Variants in NWD1 observed in about 807,000 individuals in gnomAD.
NWD1 encodes the protein NACHT domain- and WD repeat-containing protein 1.
NWD1 carries 129 observed loss-of-function variants against 135.1 expected under a neutral mutation model. The observed-to-expected ratio is 0.96, with a 90% confidence interval of 0.83 to 1.11. The LOEUF (loss-of-function observed/expected upper bound fraction) is 1.11, where lower values mean the gene tolerates loss of function less well. Among genes scored for constraint, NWD1 ranks in the 50% least tolerant of loss-of-function variants. The probability of loss-of-function intolerance (pLI) is 0.00; values close to 1 mark genes in which losing one functional copy is unlikely to be tolerated. For missense variants in NWD1, 1,740 were observed against 1,851.3 expected (o/e 0.94, Z 1.10); for synonymous variants, 773 against 786.0 (o/e 0.98, Z 0.28).
chr19:16,761,513 C>T (rs769551282), intron 7 of NWD1, among the ~76,000 whole-genome samples: 32 of 151,950 alleles, frequency 2.1e-4, no homozygotes, highest in Non-Finnish European at 2.6e-4. Context: ...CACACCACCA[C>T]GCCCAGCTAA....
chr19:16,800,287 A>T (rs1168522193), intron 17 of NWD1, 125 bp downstream of exon 17: 1 of 978,022 alleles, frequency 1.0e-6, no homozygotes, highest in Admixed American at 2.4e-5. Context: ...TAATCCCAGG[A>T]CTTTGGGAGG....
chr19:16,736,845 G>C (rs373829175), intron 4 of NWD1, 95 bp downstream of exon 4: 7 of 779,846 alleles, frequency 9.0e-6, no homozygotes, highest in Non-Finnish European at 1.5e-5. Flanking sequence ...AGTAGGTACC[G>C]TTTCTGCTTT....
At chr19:16,768,512 G>A (rs1465081848) in intron 10 of NWD1, among the ~76,000 whole-genome samples, 1 of 152,104 alleles carries the variant, frequency 6.6e-6, no homozygotes, top group East Asian at 1.9e-4. Context: ...TTCCACAAAA[G>A]CTACACCATT....
chr19:16,776,987 G>A (rs1184115501), intron 11 of NWD1, among the ~76,000 whole-genome samples: 1 of 122,396 alleles, frequency 8.2e-6, no homozygotes, highest in African/African-American at 3.1e-5. Context: ...AGTGGGGAGG[G>A]GAAGGGAGGG....
chr19:16,782,042 C>T (rs915838567), intron 12 of NWD1, among the ~76,000 whole-genome samples: 8 of 146,358 alleles, frequency 5.5e-5, no homozygotes, highest in African/African-American at 2.0e-4. Context: ...TGCAGTGAGC[C>T]GAGATTGCAC....
At chr19:16,786,988 ATCTC>A (rs1970061487) in intron 12 of NWD1, among the ~76,000 whole-genome samples, 3 of 152,092 alleles carry the variant, frequency 2.0e-5, no homozygotes, top group Admixed American at 1.3e-4. Context: ...TTTCCTCCAC[ATCTC>A]TCATGATGTG....
chr19:16,792,849 C>CCTGGGTG (rs1970293042), intron 14 of NWD1, among the ~76,000 whole-genome samples: 1 of 148,532 alleles, frequency 6.7e-6, no homozygotes, highest in African/African-American at 2.5e-5. Context: ...TGCACTCCAG[C>CCTGGGTG]CTGGGTGACA....
At chr19:16,787,901 AATAATC>A (rs749083783) in intron 12 of NWD1, among the ~76,000 whole-genome samples, 1,679 of 84,132 alleles carry the variant, frequency 0.02, 10 homozygotes, top group East Asian at 0.058. Flanking sequence ...TAATAATAAT[AATAATC>A]ATCATCATCA....
chr19:16,737,564 A>C (rs776233272), intron 4 of NWD1, among the ~76,000 whole-genome samples: 5 of 147,834 alleles, frequency 3.4e-5, no homozygotes, highest in Non-Finnish European at 7.4e-5. Flanking sequence ...GTCTAGTTTT[A>C]AGTTTTTTTT....
At chr19:16,795,773 G>A (rs1225840597) in intron 15 of NWD1, among the ~76,000 whole-genome samples, 1 of 152,110 alleles carries the variant, frequency 6.6e-6, no homozygotes, top group African/African-American at 2.4e-5. Context: ...CATGTTAGCA[G>A]TTCAGTCAGC....
At chr19:16,773,548 C>T (rs1339419263) in intron 11 of NWD1, among the ~76,000 whole-genome samples, 2 of 152,144 alleles carry the variant, frequency 1.3e-5, no homozygotes, top group African/African-American at 4.8e-5. Flanking sequence ...GAGCCCGATG[C>T]TAGGGGGTGC....
intron 11 of NWD1, among the ~76,000 whole-genome samples, chr19:16,774,713 C>T (rs1179613576): frequency 6.6e-6 from 1 of 152,050 alleles, no homozygotes; most frequent in African/African-American, 2.4e-5. Flanking sequence ...TCCACTCACC[C>T]ATCCATTCAT....
At chr19:16,757,098 G>A (rs1244485817) in intron 6 of NWD1, among the ~76,000 whole-genome samples, 3 of 152,064 alleles carry the variant, frequency 2.0e-5, no homozygotes, top group African/African-American at 7.2e-5. Flanking sequence ...ATATTGCAAT[G>A]TAATAATAAT....
chr19:16,728,900 T>C (rs1002474299), intron 2 of NWD1, among the ~76,000 whole-genome samples: 30 of 138,900 alleles, frequency 2.2e-4, no homozygotes, highest in South Asian at 9.0e-4. Flanking sequence ...GCCGAGATCA[T>C]GCCACTGCAC....
At position 16,797,821 on chromosome 19, in the gene NWD1, G is replaced by C; in HGVS notation, c.3394G>C (p.Glu1132Gln). The C allele has an allele frequency of 6.2e-7, 1 of 1,614,108 alleles. No homozygotes were observed. Among genetic ancestry groups the C allele is most frequent in the Non-Finnish European group, 8.5e-7 (1 of 1,179,952 alleles). ...GGATCTGGAACATGAAGACATGGTG[G>C]AGACGGCTGTTTTTGGTACTGAGAA... ...AMDLEHEDMV[E>Q]TAVFGTENNL... The change falls in exon 16 of 19, where the codon GAG becomes CAG. Residue 1132 changes from glutamate to glutamine, a missense_variant. Coordinates refer to ENST00000524140, the MANE Select transcript of NWD1 (RefSeq NM_001007525.5).
chr19:16,762,555 A>AAAAC (rs111538296), intron 8 of NWD1, among the ~76,000 whole-genome samples: 13,518 of 151,424 alleles, frequency 0.089, 1,011 homozygotes, highest in African/African-American at 0.21. Flanking sequence ...CTCTGTCTCA[A>AAAAC]AAACAAACAA....
rs1369036825 is a variant in NWD1 at position 16,759,358 on chromosome 19, C to T, written c.1903C>T (p.Arg635Cys). 1.2e-5 allele frequency: 19 copies of T among 1,612,596 alleles called. No homozygotes were observed. Among genetic ancestry groups the T allele is most frequent in the Non-Finnish European group, 1.5e-5 (18 of 1,179,506 alleles). The change falls in exon 7 of 19, where the codon CGT becomes TGT. Residue 635 changes from arginine to cysteine, a missense_variant. Coordinates refer to ENST00000524140, the MANE Select transcript of NWD1 (RefSeq NM_001007525.5). ...RFPPLLWVRL[R>C]RDLGYYLARR... is the part of the protein sequence containing the mutation. ...CCCGCCCCTGCTGTGGGTGCGGCTT[C>T]GTCGGGATCTGGGATACTACTTGGC...
intron 1 of NWD1, among the ~76,000 whole-genome samples, chr19:16,723,297 C>T (rs934702183): frequency 2.0e-5 from 3 of 152,194 alleles, no homozygotes; most frequent in Non-Finnish European, 2.9e-5. Context: ...CTCCCAGGCT[C>T]AAGTGGTCCT....
chr19:16,815,717 A>G lies in NWD1; in HGVS notation c.*678A>G, dbSNP rs1023075062. 5 of 174,504 alleles carry G rather than the reference A, an allele frequency of 2.9e-5. No homozygotes were observed. Among genetic ancestry groups the G allele is most frequent in the Non-Finnish European group, 6.1e-5 (5 of 81,504 alleles). 10.8% of individuals were successfully genotyped at this position (174,504 alleles called of 1,614,324 possible). A position where few individuals can be genotyped will look rare whatever the true frequency, so the allele number is the denominator to read the frequency against. ...CGGCTAGACTGATCCAATGTCCACC[A>G]CTGGGACTGAGAATAGAAGAGATTA... On this transcript the variant is annotated 3_prime_UTR_variant, in exon 19 of 19. Coordinates refer to ENST00000524140, the MANE Select transcript of NWD1 (RefSeq NM_001007525.5).
Sources: allele counts gnomAD v4.1 joint callset (sites outside exome capture counted in the v4.1 genomes callset), GRCh38; gene constraint gnomAD v4.1.1; transcripts MANE v1.5; gene names NCBI Gene and HGNC (gene_info 2026-07-23, HGNC 2026-07-21).